Variants in WDPCP observed in about 807,000 individuals in gnomAD.
WDPCP encodes WD repeat-containing and planar cell polarity effector protein fritz homolog.
WDPCP carries 71 observed loss-of-function variants against 93.1 expected under a neutral mutation model. The ratio of observed to expected loss-of-function variants is 0.76; its 90% confidence interval spans 0.63 to 0.93. The LOEUF is 0.93. Ranked by LOEUF, WDPCP falls within the 40% of genes least tolerant of loss-of-function variation. The pLI is 0.00. For missense variants in WDPCP, 844 were observed against 887.4 expected, an observed-to-expected ratio of 0.95 and a Z score of 0.62; for synonymous variants, 315 against 315.0, an observed-to-expected ratio of 1.00 and a Z score of 0.00.
At chr2:63,655,420 G>GTATA (rs10572781) in intron 2 of WDPCP, among the ~76,000 whole-genome samples, 5 of 149,562 alleles carry the variant, frequency 3.3e-5, no homozygotes, top group South Asian at 2.1e-4. Context: ...ATATACACAC[G>GTATA]TATATATATA....
chr2:63,144,807 AT>A (rs1242590652), intron 17 of WDPCP, among the ~76,000 whole-genome samples: 2 of 151,970 alleles, frequency 1.3e-5, no homozygotes, highest in Non-Finnish European at 2.9e-5. Context: ...AACTAGTGTG[AT>A]TTTTTGGGGG....
rs959326623 is a variant in WDPCP at position 63,433,016 on chromosome 2, G to T, written c.825+729C>A. On this transcript the variant is annotated intron_variant, in intron 9 of 17. Coordinates refer to ENST00000272321, the MANE Select transcript of WDPCP (RefSeq NM_015910.7). Reference sequence around the variant, plus strand: ...TACTATTTTACCTACATAAGAAAGTGGGGGAGAGGGAGCTTTTTTTACAGC... The same window carrying T: ...TACTATTTTACCTACATAAGAAAGTTGGGGAGAGGGAGCTTTTTTTACAGC... Among the ~76,000 whole-genome samples, 3 of 152,250 alleles carry T rather than the reference G, an allele frequency of 2.0e-5. No homozygotes were observed. In the East Asian group the frequency reaches 5.8e-4, roughly 29 times the overall value.
In WDPCP at chr2:63,314,288, C is replaced by A. The variant is rs1575121038; in HGVS notation, c.1749-977G>T. On this transcript the variant is annotated intron_variant, in intron 12 of 17. Coordinates refer to ENST00000272321, the MANE Select transcript of WDPCP (RefSeq NM_015910.7). ...CTCAGATGATCTTCCCACTTCAGCC[C>A]CGCCAAGTAGCTGGGACTACAGGTG... Among the ~76,000 whole-genome samples the A allele has an allele frequency of 1.3e-5, 2 of 151,906 alleles. 1 individual carries two copies. The highest frequency in any genetic ancestry group is 3.9e-4 in the East Asian group (2 of 5,158).
intron 14 of WDPCP, among the ~76,000 whole-genome samples, chr2:63,184,568 C>T (rs1295997476): frequency 1.3e-5 from 2 of 152,038 alleles, no homozygotes; most frequent in East Asian, 1.9e-4. Context: ...TATAAAGTTC[C>T]CACTGAGAAG....
intron 14 of WDPCP, among the ~76,000 whole-genome samples, chr2:63,209,397 G>A (rs139419307): frequency 5.9e-5 from 9 of 152,152 alleles, no homozygotes; most frequent in Non-Finnish European, 1.3e-4. Context: ...TTCCTTGAGA[G>A]ACCTATAGTT....
intron 2 of WDPCP, among the ~76,000 whole-genome samples, chr2:63,794,174 C>T (rs1481712892): frequency 1.3e-5 from 2 of 152,194 alleles, no homozygotes; most frequent in Non-Finnish European, 2.9e-5. Context: ...TTTGCCATTT[C>T]TCCTTTATTC....
chr2:63,187,738 A>C (rs990219799), intron 14 of WDPCP, among the ~76,000 whole-genome samples: 5 of 152,226 alleles, frequency 3.3e-5, no homozygotes, highest in African/African-American at 1.2e-4. Context: ...AAGAATTAAA[A>C]GTGGATTTAT....
At position 63,472,173 on chromosome 2, in the gene WDPCP, C is replaced by T. The variant is rs544076964; in HGVS notation, c.384+12431G>A. On this transcript the variant is annotated intron_variant, in intron 6 of 17. Transcript: ENST00000272321. ...TATGTATCTTGCTGTTTTTTCTTTT[C>T]TTTTTTTTTAAACTCTAGAAGTTTT... is the stretch of plus-strand genomic sequence containing the variant. Among the ~76,000 whole-genome samples, 225 of 150,420 alleles carry T rather than the reference C, an allele frequency of 1.5e-3. 7 individuals carry two copies. In the South Asian group the frequency reaches 0.045, roughly 30 times the overall value.
chr2:63,314,276 C>T (rs1463800113), intron 12 of WDPCP, among the ~76,000 whole-genome samples: 1 of 151,880 alleles, frequency 6.6e-6, no homozygotes. Context: ...AGATGATCTT[C>T]CCACTTCAGC....
rs540576309 is a variant in WDPCP at position 63,550,868 on chromosome 2, C to A, written c.75+37329G>T. 2.6e-5 allele frequency among the ~76,000 whole-genome samples: 4 copies of A among 152,004 alleles called. No individual in the cohort carries two copies. In the South Asian group the frequency reaches 6.2e-4, roughly 24 times the overall value. ...ACCCCCAACTCCTGAAATAAGAATT[C>A]CTTATAACGTTACTTACCAAGGACT... On this transcript the variant is annotated intron_variant, in intron 1 of 17. Coordinates refer to ENST00000272321, the MANE Select transcript of WDPCP (RefSeq NM_015910.7).
chr2:63,417,952 C>T (rs1414370327), intron 9 of WDPCP, among the ~76,000 whole-genome samples: 1 of 151,712 alleles, frequency 6.6e-6, no homozygotes, highest in Non-Finnish European at 1.5e-5. Flanking sequence ...TAGGAAAATG[C>T]TAATGTGATA....
chr2:63,458,224 G>A (rs1698772485), intron 6 of WDPCP, among the ~76,000 whole-genome samples: 2 of 86,902 alleles, frequency 2.3e-5, no homozygotes, highest in South Asian at 1.0e-3. Context: ...GAGCAGTCAG[G>A]CAAGAAAAAA....
At position 63,543,304 on chromosome 2, in the gene WDPCP, C is replaced by CT. The variant is rs553878783; in HGVS notation, c.75+44892dup. Among the ~76,000 whole-genome samples the CT allele has an allele frequency of 5.4e-3, 824 of 152,180 alleles. 6 individuals carry two copies. Among genetic ancestry groups the CT allele is most frequent in the Middle Eastern group, 0.01 (3 of 294 alleles). The stretch of plus-strand genomic sequence containing the variant: ...TAATTCTGTCAGTTATAATAGCCTA[C>CT]TGAAGTACTTAAATTGATCCTGATT... On this transcript the variant is annotated intron_variant, in intron 1 of 17. Coordinates refer to ENST00000272321, the MANE Select transcript of WDPCP (RefSeq NM_015910.7).
intron 2 of WDPCP, among the ~76,000 whole-genome samples, chr2:63,687,565 A>C (rs1286345546): frequency 6.6e-6 from 1 of 152,198 alleles, no homozygotes; most frequent in Non-Finnish European, 1.5e-5. Flanking sequence ...TACAAACAAC[A>C]AACAGGCATA....
intron 14 of WDPCP, among the ~76,000 whole-genome samples, chr2:63,226,330 A>AAAAG (rs1188251115): frequency 2.0e-5 from 3 of 151,890 alleles, no homozygotes; most frequent in African/African-American, 7.2e-5. Flanking sequence ...TTTTTTGAGT[A>AAAAG]AAAGATTTTC....
At chr2:63,235,833 A>G (rs1040173888) in intron 14 of WDPCP, among the ~76,000 whole-genome samples, 2 of 152,202 alleles carry the variant, frequency 1.3e-5, no homozygotes, top group African/African-American at 4.8e-5. Context: ...CTAGGCATAG[A>G]AAGAACAAAC....
chr2:63,492,158 A>G (rs545660363), intron 2 of WDPCP, among the ~76,000 whole-genome samples: 5 of 152,190 alleles, frequency 3.3e-5, no homozygotes, highest in Non-Finnish European at 7.3e-5. Flanking sequence ...TCATTTTCTT[A>G]GTAATGATGC....
chr2:63,465,722 G>GA (rs1297276674), intron 6 of WDPCP, among the ~76,000 whole-genome samples: 1 of 152,108 alleles, frequency 6.6e-6, no homozygotes, highest in Non-Finnish European at 1.5e-5. Context: ...CACAAAACTT[G>GA]TCAAATTTTG....
chr2:63,722,275 G>C (rs940160615), intron 2 of WDPCP, among the ~76,000 whole-genome samples: 1 of 150,886 alleles, frequency 6.6e-6, no homozygotes, highest in African/African-American at 2.4e-5. Context: ...ATCCCACCTA[G>C]GAAGTGAGGA....
Sources: allele counts gnomAD v4.1 joint callset (sites outside exome capture counted in the v4.1 genomes callset), GRCh38; gene constraint gnomAD v4.1.1; transcripts MANE v1.5; gene names NCBI Gene and HGNC (gene_info 2026-07-23, HGNC 2026-07-21).